The following CPA6 variants were observed in gnomAD, a reference collection of about 807,000 sequenced individuals.
CPA6 encodes carboxypeptidase B.
Under a neutral mutation model 63.3 loss-of-function variants are expected in CPA6, and 58 were observed. That is an observed-to-expected ratio of 0.92 (90% confidence interval 0.74 to 1.14). CPA6 has a LOEUF of 1.14. Ranked by LOEUF, CPA6 falls within the 50% of genes most tolerant of loss-of-function variation. CPA6 has a pLI of 0.00. For missense variants in CPA6, 565 were observed against 526.6 expected, an observed-to-expected ratio of 1.07 and a Z score of -0.71; for synonymous variants, 185 against 179.0, an observed-to-expected ratio of 1.03 and a Z score of -0.27.
At chr8:67,598,692 G>A (rs754462723) in intron 2 of CPA6, among the ~76,000 whole-genome samples, 87 of 152,210 alleles carry the variant, frequency 5.7e-4, no homozygotes, top group Non-Finnish European at 9.7e-4. Flanking sequence ...ATGTTTTGAT[G>A]TTTGGGATTC....
intron 8 of CPA6, among the ~76,000 whole-genome samples, chr8:67,472,435 ATTTTATT>A: frequency 6.7e-6 from 1 of 149,152 alleles, no homozygotes; most frequent in Non-Finnish European, 1.5e-5. Context: ...ATTTTATTTT[ATTTTATT>A]GAGACAGGGT....
At chr8:67,653,293 C>T (rs1815893198) in intron 1 of CPA6, among the ~76,000 whole-genome samples, 1 of 152,158 alleles carries the variant, frequency 6.6e-6, no homozygotes, top group African/African-American at 2.4e-5. Context: ...TCATTGGTAG[C>T]TTGATGGGGA....
rs1812048082 is a variant in CPA6, at chr8:67,511,752, G to C, written c.318-97C>G. The C allele has an allele frequency of 7.0e-6, 5 of 711,950 alleles. No individual in the cohort carries two copies. In the Admixed American group the frequency reaches 1.1e-4, roughly 16 times the overall value. The allele number at this position is 711,950 out of a possible 1,614,324, so 44.1% of individuals were successfully genotyped here. ...AATCATATGCATCTATGTAAAGAAAGACTGTGGTGATCAATATTCCTAAAA... is the reference window on the plus strand; with the variant it reads ...AATCATATGCATCTATGTAAAGAAACACTGTGGTGATCAATATTCCTAAAA... On this transcript the variant is annotated intron_variant, in intron 3 of 10. Coordinates refer to ENST00000297770, the MANE Select transcript of CPA6 (RefSeq NM_020361.5).
At chr8:67,630,460 A>C (rs1290802543) in intron 1 of CPA6, among the ~76,000 whole-genome samples, 7 of 152,172 alleles carry the variant, frequency 4.6e-5, no homozygotes, top group African/African-American at 1.7e-4. Context: ...TTCTTGTCAA[A>C]GTTATAGCAA....
At chr8:67,585,454 T>C (rs1342254952) in intron 2 of CPA6, among the ~76,000 whole-genome samples, 1 of 152,164 alleles carries the variant, frequency 6.6e-6, no homozygotes, top group Non-Finnish European at 1.5e-5. Flanking sequence ...CGGATGACTC[T>C]CATCCTTTAA....
At chr8:67,467,789 G>A (rs2128958240) in intron 8 of CPA6, among the ~76,000 whole-genome samples, 1 of 151,516 alleles carries the variant, frequency 6.6e-6, no homozygotes, top group South Asian at 2.1e-4. Context: ...AATCACTTGA[G>A]GTCAAGAATT....
At chr8:67,636,828 C>A (rs1475101902) in intron 1 of CPA6, among the ~76,000 whole-genome samples, 1 of 151,482 alleles carries the variant, frequency 6.6e-6, no homozygotes, top group Non-Finnish European at 1.5e-5. Flanking sequence ...CATGCAGATT[C>A]TCTATTATAA....
chr8:67,438,710 G>T (rs184250044), intron 8 of CPA6, among the ~76,000 whole-genome samples: 41 of 152,110 alleles, frequency 2.7e-4, no homozygotes, highest in African/African-American at 6.5e-4. Flanking sequence ...TATCCAAAGT[G>T]GGGGGGCGAA....
intron 1 of CPA6, among the ~76,000 whole-genome samples, chr8:67,745,227 T>C (rs1185724239): frequency 7.2e-5 from 11 of 152,202 alleles, no homozygotes; most frequent in Admixed American, 7.2e-4. Flanking sequence ...TTTAAGGTTT[T>C]TCCAGATCTA....
At chr8:67,476,509 G>A (rs941522443) in intron 8 of CPA6, among the ~76,000 whole-genome samples, 4 of 150,976 alleles carry the variant, frequency 2.6e-5, no homozygotes, top group African/African-American at 7.3e-5. Flanking sequence ...GGGATCTTCC[G>A]CTACTTCCTT....
intron 1 of CPA6, among the ~76,000 whole-genome samples, chr8:67,650,865 G>C (rs1815821186): frequency 6.6e-6 from 1 of 152,134 alleles, no homozygotes; most frequent in Admixed American, 6.5e-5. Flanking sequence ...AATGTACAGA[G>C]GCTGCAGGAG....
chr8:67,717,772 G>C (rs376848867), intron 1 of CPA6, among the ~76,000 whole-genome samples: 1 of 152,110 alleles, frequency 6.6e-6, no homozygotes, highest in African/African-American at 2.4e-5. Context: ...GTGGGCCTTC[G>C]GTGCAATTGC....
At chr8:67,719,286 G>A (rs892647383) in intron 1 of CPA6, among the ~76,000 whole-genome samples, 23 of 152,106 alleles carry the variant, frequency 1.5e-4, no homozygotes, top group Non-Finnish European at 2.9e-4. Flanking sequence ...TAAAATGAGC[G>A]GCTGAAGGTC....
chr8:67,744,193 T>C (rs1817964961), intron 1 of CPA6, among the ~76,000 whole-genome samples: 1 of 152,224 alleles, frequency 6.6e-6, no homozygotes, highest in Admixed American at 6.5e-5. Context: ...TTTTTGCTTT[T>C]AAAGAAGCTC....
At chr8:67,549,594 A>G (rs1315881062) in intron 2 of CPA6, among the ~76,000 whole-genome samples, 1 of 152,206 alleles carries the variant, frequency 6.6e-6, no homozygotes, top group Non-Finnish European at 1.5e-5. Context: ...CTTATTTATC[A>G]TGTACAGTTG....
At chr8:67,426,494 A>G (rs981783587) in intron 10 of CPA6, among the ~76,000 whole-genome samples, 1 of 152,220 alleles carries the variant, frequency 6.6e-6, no homozygotes, top group Non-Finnish European at 1.5e-5. Flanking sequence ...TAAAAAGGTC[A>G]ACATGAGACC....
chr8:67,641,016 G>T (rs1276731882), intron 1 of CPA6, among the ~76,000 whole-genome samples: 1 of 151,672 alleles, frequency 6.6e-6, no homozygotes, highest in Non-Finnish European at 1.5e-5. Context: ...TCATGCAGTT[G>T]GCTGCCTCAG....
intron 8 of CPA6, among the ~76,000 whole-genome samples, chr8:67,446,223 C>T (rs1451705238): frequency 7.1e-6 from 1 of 140,344 alleles, no homozygotes; most frequent in Non-Finnish European, 1.5e-5. Context: ...TGGAGATGCG[C>T]CACTGCACTC....
At chr8:67,451,266 G>A (rs1001525073) in intron 8 of CPA6, among the ~76,000 whole-genome samples, 20 of 152,156 alleles carry the variant, frequency 1.3e-4, no homozygotes, top group African/African-American at 1.4e-4. Flanking sequence ...GCTGCTTCCC[G>A]TTGCCCACAT....
Sources: gnomAD v4.1 joint callset for allele counts (sites outside exome capture counted in the v4.1 genomes callset) on GRCh38, gnomAD v4.1.1 for gene constraint, MANE v1.5 for transcripts, NCBI Gene and HGNC (gene_info 2026-07-23, HGNC 2026-07-21) for gene names.